MED13L: variants seen among roughly 807,000 people sequenced by gnomAD.
MED13L encodes the protein mediator complex subunit 13L.
In MED13L, 7 loss-of-function variants were observed where a neutral mutation model predicts 220.9. That is an observed-to-expected ratio of 0.03 (90% CI 0.02 to 0.06). The LOEUF is 0.06. Among genes scored for constraint, MED13L ranks in the 10% least tolerant of loss-of-function variants. The probability of loss-of-function intolerance (pLI) is 1.00; values close to 1 mark genes in which losing one functional copy is unlikely to be tolerated. For missense variants in MED13L, 1,965 were observed against 2,760.5 expected (o/e 0.71, Z 6.46); for synonymous variants, 1,011 against 1,015.2 (o/e 1.00, Z 0.08).
chr12:116,012,102 G>A (rs999558562), intron 9 of MED13L, among the ~76,000 whole-genome samples: 3 of 152,144 alleles, frequency 2.0e-5, no homozygotes, highest in African/African-American at 7.2e-5. Context: ...GCCCAGTCGT[G>A]GTGAAAAATC....
chr12:116,136,803 G>A (rs1214044208), intron 2 of MED13L, among the ~76,000 whole-genome samples: 1 of 152,066 alleles, frequency 6.6e-6, no homozygotes, highest in Non-Finnish European at 1.5e-5. Context: ...ATAATCAAGT[G>A]TTTACATTAA....
chr12:116,132,278 TCAA>T (rs1876140442), intron 2 of MED13L, among the ~76,000 whole-genome samples: 1 of 84,226 alleles, frequency 1.2e-5, no homozygotes. Context: ...ATACTTCGTC[TCAA>T]AAAAAAAAAA....
chr12:116,081,360 G>A (rs1458978905), intron 4 of MED13L, among the ~76,000 whole-genome samples: 1 of 152,138 alleles, frequency 6.6e-6, no homozygotes, highest in Non-Finnish European at 1.5e-5. Context: ...ACTTTAGGAT[G>A]CTGAAGTCCT....
In MED13L at chr12:115,996,552, G is replaced by A. The variant is rs2137328362; in HGVS notation, c.2920C>T (p.Pro974Ser). The part of the protein sequence containing the change: ...LKIPDACLFR[P>S]SWAIPPKIEQ... ...ATTTTAGGAGGAATTGCCCATGAAG[G>A]CCGAAACAGACAGGCATCAGGTATC... is the stretch of plus-strand genomic sequence containing the variant. The change falls in exon 16 of 31, where the codon CCT becomes TCT. Residue 974 changes from proline (P) to serine (S), a missense_variant. Physicochemically the swap from Pro to Ser is moderately conservative, Grantham distance 74. This residue lies in a region of MED13L where 233 missense variants were observed against 306.2 expected (regional missense o/e 0.76). Coordinates refer to ENST00000281928, the MANE Select transcript of MED13L (RefSeq NM_015335.5). 6.2e-7 allele frequency: 1 copy of A among 1,614,206 alleles called. No individual in the cohort carries two copies. The highest frequency in any genetic ancestry group is 2.2e-5 in the East Asian group (1 of 44,882).
chr12:116,082,273 A>G (rs1010982485), intron 4 of MED13L, among the ~76,000 whole-genome samples: 18 of 152,306 alleles, frequency 1.2e-4, no homozygotes, highest in South Asian at 4.1e-4. Context: ...TAAGAAGGGG[A>G]AAAACTTTCA....
At chr12:116,269,698 T>C (rs989395137) in intron 1 of MED13L, among the ~76,000 whole-genome samples, 1 of 151,998 alleles carries the variant, frequency 6.6e-6, no homozygotes, top group African/African-American at 2.4e-5. Context: ...AAAACAGTAA[T>C]GGAGTTTTAC....
chr12:115,991,211 G>C lies in MED13L; in HGVS notation c.3743C>G (p.Ser1248Cys), dbSNP rs1264848005. 1 of 1,614,204 alleles carries C rather than the reference G, an allele frequency of 6.2e-7. No homozygotes were observed. Among genetic ancestry groups the C allele is most frequent in the Admixed American group, 1.7e-5 (1 of 60,026 alleles). ...ASLNFLDYIS[S>C]NNRQTLPCVS... ...ACAGGGAAGAGTTTGGCGATTGTTA[G>C]AGGAAATGTAGTCCAGGAAATTCAG... The change falls in exon 17 of 31, where the codon TCT becomes TGT. Residue 1248 changes from serine (S) to cysteine (C), a missense_variant. By Grantham distance (112) the Ser-to-Cys change is moderately radical. Around this residue, in one of 10 missense-constraint regions of MED13L, gnomAD observed 165 missense variants for 190.8 expected, o/e 0.86. Coordinates refer to ENST00000281928, the MANE Select transcript of MED13L (RefSeq NM_015335.5). The surrounding 1 kb of genome is among the most constrained non-coding windows in gnomAD (Gnocchi z 7.7).
intron 4 of MED13L, among the ~76,000 whole-genome samples, chr12:116,086,240 C>T (rs1019520815): frequency 1.3e-5 from 2 of 151,052 alleles, no homozygotes; most frequent in African/African-American, 2.4e-5. Context: ...CCACAGTTTC[C>T]GTAAAATGTA....
At position 115,987,230 on chromosome 12, in the gene MED13L, C is replaced by A; in HGVS notation, c.3993G>T (p.Gln1331His). The change falls in exon 18 of 31, where the codon CAG (glutamine) becomes CAT (histidine). Residue 1331 changes from glutamine (Q) to histidine (H), a missense_variant. Around this residue, in one of 10 missense-constraint regions of MED13L, gnomAD observed 21 missense variants for 73.9 expected, o/e 0.28. Transcript: ENST00000281928. ...TTTGGATGGCATCTTGGAGAAAGGG[C>A]TGCAGGGACAACAGCATACGAACCA... ...QDVVRMLLSLQPFLQDAIQKK... is the reference protein window; with the variant it reads ...QDVVRMLLSLHPFLQDAIQKK... The A allele has an allele frequency of 6.2e-7, 1 of 1,613,952 alleles. No individual in the cohort carries two copies. Among genetic ancestry groups the A allele is most frequent in the Non-Finnish European group, 8.5e-7 (1 of 1,180,002 alleles).
At chr12:116,235,536 A>G (rs1443394464) in intron 2 of MED13L, among the ~76,000 whole-genome samples, 1 of 152,114 alleles carries the variant, frequency 6.6e-6, no homozygotes, top group African/African-American at 2.4e-5. Flanking sequence ...CTGTTTTCCT[A>G]ATTTTCTAAC....
chr12:116,087,575 GA>G (rs1871805815), intron 4 of MED13L, among the ~76,000 whole-genome samples: 1 of 152,050 alleles, frequency 6.6e-6, no homozygotes. Flanking sequence ...TCAAAGAAAG[GA>G]CCCCATTTAC....
rs189898124 is a variant in MED13L, at chr12:116,009,097, T to C, written c.1316A>G (p.Asn439Ser). The C allele has an allele frequency of 4.3e-5, 70 of 1,614,062 alleles. No individual in the cohort carries two copies. The African/African-American group carries it at 7.9e-4, about 18-fold the overall frequency. ...KLLKRCAVGP[N>S]RPPTVSQPGF... ...TGGTTGAGATACTGTGGGAGGTCGA[T>C]TGGGCCCGACTGCACAACGTTTTAA... Residue 439 changes from asparagine to serine, a missense_variant, in exon 10 of 31, where the codon AAT becomes AGT. Physicochemically the swap from Asn to Ser is conservative, Grantham distance 46 (BLOSUM62 1). Transcript: ENST00000281928.
intron 3 of MED13L, among the ~76,000 whole-genome samples, chr12:116,100,021 C>T (rs866512488): frequency 1.3e-5 from 2 of 152,110 alleles, no homozygotes; most frequent in African/African-American, 4.8e-5. Context: ...AATGATTTCC[C>T]ACACAATGAA....
At chr12:116,135,110 AG>A (rs1876421960) in intron 2 of MED13L, among the ~76,000 whole-genome samples, 1 of 152,222 alleles carries the variant, frequency 6.6e-6, no homozygotes. Context: ...CAGAGGTTGC[AG>A]TGAGCTGAGA....
At chr12:115,999,390 C>T (rs567097547) in intron 14 of MED13L, among the ~76,000 whole-genome samples, 34 of 138,876 alleles carry the variant, frequency 2.4e-4, no homozygotes, top group African/African-American at 9.0e-4. Flanking sequence ...GACTCTGTCT[C>T]AAAAAAAAAA....
intron 28 of MED13L, among the ~76,000 whole-genome samples, chr12:115,968,524 A>G (rs941741295): frequency 6.6e-6 from 1 of 152,144 alleles, no homozygotes; most frequent in African/African-American, 2.4e-5. Flanking sequence ...ACAAGCCATC[A>G]CCAACGTGTT....
At chr12:116,080,628 C>T (rs146137867) in intron 4 of MED13L, among the ~76,000 whole-genome samples, 2 of 152,316 alleles carry the variant, frequency 1.3e-5, no homozygotes, top group East Asian at 1.9e-4. Flanking sequence ...TACTACCTTA[C>T]CTTCAATGAA....
chr12:116,241,103 T>TG (rs1292404610), intron 1 of MED13L, among the ~76,000 whole-genome samples: 2 of 151,510 alleles, frequency 1.3e-5, no homozygotes, highest in African/African-American at 4.8e-5. Context: ...GGTCAAAAGA[T>TG]GGAGACCATC....
Position 115,982,428 on chromosome 12 carries a change from G to C in MED13L, c.5131C>G (p.Leu1711Val), listed in dbSNP as rs1318387101. 1 of 1,614,126 alleles carries C rather than the reference G, an allele frequency of 6.2e-7. No individual in the cohort carries two copies. The highest frequency in any genetic ancestry group is 1.7e-5 in the Admixed American group (1 of 60,022). ...LSLMRCYTEM[L>V]DNLPEHMRNS... ...CTCATATGCTCAGGTAAATTATCCA[G>C]CATTTCTGTGTAGCAGCGCATCAAG... The change falls in exon 22 of 31, where the codon CTG becomes GTG. Residue 1711 changes from leucine to valine, a missense_variant. Transcript: ENST00000281928.
Sources: allele counts gnomAD v4.1 joint callset (sites outside exome capture counted in the v4.1 genomes callset), GRCh38; gene constraint gnomAD v4.1.1; regional missense constraint gnomAD v4.1.1; non-coding constraint Gnocchi (gnomAD v3.1); transcripts MANE v1.5; gene names NCBI Gene and HGNC (gene_info 2026-07-23, HGNC 2026-07-21).